ZBTB7A: variants seen among roughly 807,000 people sequenced by gnomAD.
ZBTB7A encodes zinc finger and BTB domain-containing protein 7A.
Under a neutral mutation model 26.7 loss-of-function variants are expected in ZBTB7A, and 7 were observed. The observed-to-expected ratio is 0.26, with a 90% CI of 0.15 to 0.49. ZBTB7A has a LOEUF of 0.49. Among genes scored for constraint, ZBTB7A ranks in the 20% least tolerant of loss-of-function variants. The pLI, the probability that ZBTB7A is intolerant of heterozygous loss-of-function variation, is 0.98. For synonymous variants in ZBTB7A, 452 were observed against 441.0 expected (o/e 1.02, Z -0.31); for missense variants, 617 against 919.5 (o/e 0.67, Z 4.25).
At position 4,044,750 on chromosome 19, in the gene ZBTB7A, C is replaced by G. The variant is rs1047836769; in HGVS notation, c.*3002G>C. The G allele has an allele frequency of 4.0e-5, 6 of 149,782 alleles. No individual in the cohort carries two copies. Among genetic ancestry groups the G allele is most frequent in the Non-Finnish European group, 7.4e-5 (5 of 67,576 alleles). The allele number at this position is 149,782 out of a possible 1,614,324, so 9.3% of individuals were successfully genotyped here. On this transcript the variant is annotated 3_prime_UTR_variant, in exon 3 of 3. Coordinates refer to ENST00000322357, the MANE Select transcript of ZBTB7A (RefSeq NM_015898.4). ...CCAAAAAAAGAAAACACAAAAAACC[C>G]CAAACAACCAAACAAAAAAGCTTTG...
chr19:4,048,067 G>A lies in ZBTB7A; in HGVS notation c.1440C>T (p.His480=). The change falls in exon 3 of 3, where the codon CAC becomes CAT. Residue 480 remains histidine, a synonymous_variant. Transcript: ENST00000322357. The surrounding 1 kb of genome is among the most constrained non-coding windows in gnomAD (Gnocchi z 6.7). ...CGTCTTTCTTGAGGTGTCTGTGCAG[G>A]TGGTCGGAGCGGACGAAGGTCTTGC... The part of the protein sequence containing the change: ...SCCKTFVRSD[H]LHRHLKKDGC... 6.2e-7 allele frequency: 1 copy of A among 1,601,650 alleles called. No homozygotes were observed. The highest frequency in any genetic ancestry group is 8.5e-7 in the Non-Finnish European group (1 of 1,175,328).
At chr19:4,062,993 T>C (rs1192943805) in intron 1 of ZBTB7A, among the ~76,000 whole-genome samples, 2 of 151,952 alleles carry the variant, frequency 1.3e-5, no homozygotes, top group Non-Finnish European at 2.9e-5. Context: ...GACTGGACCA[T>C]GCTCACCCCC....
At position 4,046,584 on chromosome 19, in the gene ZBTB7A, T is replaced by TA. The variant is rs1169466870; in HGVS notation, c.*1167_*1168insT. The TA allele has an allele frequency of 6.6e-6, 1 of 150,676 alleles. No homozygotes were observed. Among genetic ancestry groups the TA allele is most frequent in the Non-Finnish European group, 1.5e-5 (1 of 67,648 alleles). The allele number at this position is 150,676 out of a possible 1,614,324, so 9.3% of individuals were successfully genotyped here. On this transcript the variant is annotated 3_prime_UTR_variant, in exon 3 of 3. Coordinates refer to ENST00000322357, the MANE Select transcript of ZBTB7A (RefSeq NM_015898.4). ...ATGTGGTTGGTTGCCTTTTTTTTTT[T>TA]CCTTCCTTTCATTTTGTAAAACCTT...
chr19:4,055,804 C>A (rs1200741092), intron 1 of ZBTB7A, among the ~76,000 whole-genome samples: 1 of 152,144 alleles, frequency 6.6e-6, no homozygotes, highest in Non-Finnish European at 1.5e-5. Flanking sequence ...GCCTGGGCAA[C>A]AGAGCAAGAC....
chr19:4,064,973 C>T (rs1450718975), intron 1 of ZBTB7A, among the ~76,000 whole-genome samples: 2 of 151,950 alleles, frequency 1.3e-5, no homozygotes, highest in African/African-American at 4.8e-5. Flanking sequence ...CCAGAACCCG[C>T]AGAGGCCCGG....
At chr19:4,063,691 G>A (rs1484928743) in intron 1 of ZBTB7A, among the ~76,000 whole-genome samples, 2 of 152,208 alleles carry the variant, frequency 1.3e-5, no homozygotes, top group Non-Finnish European at 2.9e-5. Flanking sequence ...CTTAAAGACA[G>A]GTGGGCAGGC....
chr19:4,049,558 C>T (rs751617704), intron 2 of ZBTB7A, among the ~76,000 whole-genome samples: 7 of 152,056 alleles, frequency 4.6e-5, no homozygotes, highest in Non-Finnish European at 8.8e-5. Flanking sequence ...TGGCGGCGGC[C>T]GAGGTGTTTG....
chr19:4,057,055 A>G (rs1049379473), intron 1 of ZBTB7A, among the ~76,000 whole-genome samples: 1 of 144,178 alleles, frequency 6.9e-6, no homozygotes, highest in Non-Finnish European at 1.5e-5. Flanking sequence ...AAAGAAAAAG[A>G]AAAAAAAAAA....
chr19:4,063,669 C>A (rs1418093986), intron 1 of ZBTB7A, among the ~76,000 whole-genome samples: 1 of 152,208 alleles, frequency 6.6e-6, no homozygotes, highest in Admixed American at 6.5e-5. Flanking sequence ...CTACTGCCAA[C>A]CTCCGGCCCT....
At chr19:4,060,064 C>T (rs2040623358) in intron 1 of ZBTB7A, among the ~76,000 whole-genome samples, 1 of 152,114 alleles carries the variant, frequency 6.6e-6, no homozygotes, top group Non-Finnish European at 1.5e-5. Flanking sequence ...CCCCATCTTT[C>T]ATCACAGCTC....
rs908894571 is a variant in ZBTB7A at position 4,052,169 on chromosome 19, G to C, written c.1262+1802C>G. On this transcript the variant is annotated intron_variant, in intron 2 of 2. Coordinates refer to ENST00000322357, the MANE Select transcript of ZBTB7A (RefSeq NM_015898.4). The surrounding 1 kb of genome is among the most constrained non-coding windows in gnomAD (Gnocchi z 4.9). ...AGCCCCGGGTCGGGTGGGATAGCCA[G>C]CAGTGCCCGAGTCAGAATGAAACCG... Among the ~76,000 whole-genome samples the C allele has an allele frequency of 3.9e-5, 6 of 152,152 alleles. No homozygotes were observed. The highest frequency in any genetic ancestry group is 1.4e-4 in the African/African-American group (6 of 41,426).
At chr19:4,065,938 C>CG (rs2040691901) in intron 1 of ZBTB7A, among the ~76,000 whole-genome samples, 1 of 142,866 alleles carries the variant, frequency 7.0e-6, no homozygotes, top group East Asian at 2.1e-4. Flanking sequence ...CCGCGCCGCG[C>CG]CGCGCGATCG....
chr19:4,051,568 G>C (rs568305841), intron 2 of ZBTB7A, among the ~76,000 whole-genome samples: 4 of 152,278 alleles, frequency 2.6e-5, no homozygotes, highest in Admixed American at 2.6e-4. Context: ...CTCTAGCCTT[G>C]CTGCCCCACT....
intron 2 of ZBTB7A, among the ~76,000 whole-genome samples, chr19:4,049,056 G>A: frequency 6.7e-6 from 1 of 148,820 alleles, no homozygotes; most frequent in Non-Finnish European, 1.5e-5. Context: ...GTTCCCTGCA[G>A]CCTCGAACTC....
chr19:4,045,932 C>T lies in ZBTB7A; in HGVS notation c.*1820G>A. On this transcript the variant is annotated 3_prime_UTR_variant, in exon 3 of 3. Transcript: ENST00000322357. The surrounding 1 kb of genome is among the most constrained non-coding windows in gnomAD (Gnocchi z 4.1). Reference sequence around the variant, plus strand: ...GGAGAGGGGCGGTGGTTCTAAGGCCCTGGAGGTGGGGGGCCCCTGTCACCC... The same window carrying T: ...GGAGAGGGGCGGTGGTTCTAAGGCCTTGGAGGTGGGGGGCCCCTGTCACCC... 1 of 398,462 alleles carries T rather than the reference C, an allele frequency of 2.5e-6. No homozygotes were observed. The highest frequency in any genetic ancestry group is 6.3e-4 in the Middle Eastern group (1 of 1,588). The allele number at this position is 398,462 out of a possible 1,614,324, so 24.7% of individuals were successfully genotyped here. A position where few individuals can be genotyped will look rare whatever the true frequency, so the allele number is the denominator to read the frequency against.
intron 1 of ZBTB7A, among the ~76,000 whole-genome samples, chr19:4,057,964 C>T (rs1269637877): frequency 6.6e-6 from 1 of 152,166 alleles, no homozygotes; most frequent in African/African-American, 2.4e-5. Context: ...ACCCCTTGGC[C>T]TCCCCAACCC....
Position 4,054,615 on chromosome 19 carries a change from C to G in ZBTB7A, c.618G>C (p.Val206=), listed in dbSNP as rs567229618. ...DATKEAVAAA[V]AAVAAGDCNG... ...TGCAGTCGCCCGCGGCCACGGCGGC[C>G]ACAGCGGCGGCCACGGCCTCCTTGG... The change falls in exon 2 of 3, where the codon GTG becomes GTC. Residue 206 remains valine (V), a synonymous_variant. Coordinates refer to ENST00000322357, the MANE Select transcript of ZBTB7A (RefSeq NM_015898.4). 3.8e-6 allele frequency: 6 copies of G among 1,588,582 alleles called. No homozygotes were observed. Among genetic ancestry groups the G allele is most frequent in the Middle Eastern group, 1.7e-4 (1 of 5,988 alleles).
intron 1 of ZBTB7A, chr19:4,061,842 C>T (rs958667812): frequency 6.6e-6 from 1 of 152,294 alleles, no homozygotes. Flanking sequence ...GAAGCCCAGA[C>T]TACAGCCCGA....
chr19:4,056,794 G>C (rs939039933), intron 1 of ZBTB7A, among the ~76,000 whole-genome samples: 3 of 151,920 alleles, frequency 2.0e-5, no homozygotes, highest in African/African-American at 7.3e-5. Context: ...TTGAACCTGG[G>C]GGGTGGAGGT....
Sources: allele counts gnomAD v4.1 joint callset (sites outside exome capture counted in the v4.1 genomes callset), GRCh38; gene constraint gnomAD v4.1.1; non-coding constraint Gnocchi (gnomAD v3.1); transcripts MANE v1.5; gene names NCBI Gene and HGNC (gene_info 2026-07-23, HGNC 2026-07-21).